The following ZBTB16 variants were observed in gnomAD, a reference collection of about 807,000 sequenced individuals.
ZBTB16 encodes zinc finger and BTB domain-containing protein 16.
A neutral mutation model predicts 56.8 loss-of-function variants in ZBTB16; 8 were observed. The ratio of observed to expected loss-of-function variants is 0.14; its 90% CI spans 0.08 to 0.25. ZBTB16 has a LOEUF of 0.25. ZBTB16 is among the 10% of genes least tolerant of loss of function. ZBTB16 has a pLI of 1.00. For synonymous variants in ZBTB16, 363 were observed against 368.5 expected, an observed-to-expected ratio of 0.98 and a Z score of 0.17; for missense variants, 625 against 903.0, an observed-to-expected ratio of 0.69 and a Z score of 3.95.
At chr11:114,238,861 T>C (rs914936535) in intron 4 of ZBTB16, among the ~76,000 whole-genome samples, 1 of 152,154 alleles carries the variant, frequency 6.6e-6, no homozygotes, top group Non-Finnish European at 1.5e-5. Context: ...TCTTGTCCTT[T>C]GCTTCTCAGA....
rs552694778 is a variant in ZBTB16, at chr11:114,126,249, A to G, written c.1269-30088A>G. ...CCAGCTCTGCCCCATCTGGTCTTAA[A>G]ACGAGGTGAATCTGCTGCTCTGTAT... is the stretch of plus-strand genomic sequence containing the variant. On this transcript the variant is annotated intron_variant, in intron 2 of 6. Coordinates refer to ENST00000335953, the MANE Select transcript of ZBTB16 (RefSeq NM_006006.6). 5.9e-5 allele frequency among the ~76,000 whole-genome samples: 9 copies of G among 152,340 alleles called. No homozygotes were observed. The South Asian group carries it at 1.9e-3, about 32-fold the overall frequency.
At chr11:114,124,544 C>CAA (rs1197111375) in intron 2 of ZBTB16, among the ~76,000 whole-genome samples, 3 of 53,290 alleles carry the variant, frequency 5.6e-5, no homozygotes, top group African/African-American at 2.1e-4. Flanking sequence ...AAAAACAAAA[C>CAA]AAAAAAAAAA....
At chr11:114,220,427 C>T (rs1355809312) in intron 4 of ZBTB16, among the ~76,000 whole-genome samples, 3 of 152,128 alleles carry the variant, frequency 2.0e-5, no homozygotes, top group African/African-American at 4.8e-5. Context: ...TTCTAGCCTC[C>T]GATGCTTACA....
At chr11:114,155,427 G>A (rs1296446038) in intron 2 of ZBTB16, among the ~76,000 whole-genome samples, 1 of 152,050 alleles carries the variant, frequency 6.6e-6, no homozygotes, top group African/African-American at 2.4e-5. Context: ...GCTGGCTCGT[G>A]ACTGAGCTAG....
At chr11:114,074,476 G>C (rs538250567) in intron 2 of ZBTB16, among the ~76,000 whole-genome samples, 4 of 152,148 alleles carry the variant, frequency 2.6e-5, no homozygotes, top group Non-Finnish European at 4.4e-5. Flanking sequence ...GGTGCTGCTG[G>C]GGTCTACTAT....
In ZBTB16 at chr11:114,181,266, C is replaced by T. The variant is rs145456257; in HGVS notation, c.1367-5686C>T. On this transcript the variant is annotated intron_variant, in intron 3 of 6. Transcript: ENST00000335953. ...TTACTGGTTCTGTATATCTACCCAC[C>T]AGCTGTAGGATGGAGCACTTTCCCC... Among the ~76,000 whole-genome samples, 910 of 152,308 alleles carry T rather than the reference C, an allele frequency of 6.0e-3. 9 individuals are homozygous for T. Among genetic ancestry groups the T allele is most frequent in the African/African-American group, 0.021 (861 of 41,556 alleles).
intron 3 of ZBTB16, among the ~76,000 whole-genome samples, chr11:114,166,069 C>T (rs11214889): frequency 0.031 from 4,699 of 152,208 alleles, 256 homozygotes; most frequent in African/African-American, 0.11. Context: ...CACTAACCCT[C>T]GGTGACTGTC....
At chr11:114,182,056 T>G (rs1468351449) in intron 3 of ZBTB16, among the ~76,000 whole-genome samples, 1 of 151,920 alleles carries the variant, frequency 6.6e-6, no homozygotes, top group East Asian at 1.9e-4. Context: ...GTTGTTGTTA[T>G]TGTTGTTGTT....
intron 4 of ZBTB16, 68 bp from the exon 5 acceptor site, chr11:114,242,099 C>T (rs761565107): frequency 1.0e-4 from 167 of 1,599,756 alleles, no homozygotes; most frequent in Middle Eastern, 9.9e-4. Context: ...GGCTCTCACT[C>T]CAGATGGGTA....
chr11:114,071,157 T>G lies in ZBTB16; in HGVS notation c.1268+6589T>G, dbSNP rs181306719. Among the ~76,000 whole-genome samples the G allele has an allele frequency of 1.3e-3, 205 of 152,304 alleles. 1 individual carries two copies. The highest frequency in any genetic ancestry group is 3.1e-3 in the Admixed American group (47 of 15,296). On this transcript the variant is annotated intron_variant, in intron 2 of 6. Transcript: ENST00000335953. ...TTATATCTTCATGAAGTCCTTTTGG[T>G]TAATTGAATTTTGCTGTTTTGGAAT...
At chr11:114,085,013 G>A (rs1939909078) in intron 2 of ZBTB16, among the ~76,000 whole-genome samples, 1 of 152,206 alleles carries the variant, frequency 6.6e-6, no homozygotes, top group Non-Finnish European at 1.5e-5. Context: ...CTGTTCTGAA[G>A]CTGTGGTAGG....
intron 4 of ZBTB16, among the ~76,000 whole-genome samples, chr11:114,239,175 G>C (rs553696833): frequency 3.3e-5 from 5 of 152,328 alleles, no homozygotes; most frequent in Admixed American, 6.5e-5. Flanking sequence ...CTTGCTGGGT[G>C]TATTGACACT....
intron 2 of ZBTB16, among the ~76,000 whole-genome samples, chr11:114,115,341 CTTTTTT>C (rs35873921): frequency 7.8e-6 from 1 of 127,542 alleles, no homozygotes; most frequent in Non-Finnish European, 1.6e-5. Flanking sequence ...CTCCTTCCTC[CTTTTTT>C]TTTTTTTTTT....
intron 2 of ZBTB16, among the ~76,000 whole-genome samples, chr11:114,085,996 T>A (rs536802833): frequency 6.6e-6 from 1 of 152,262 alleles, no homozygotes; most frequent in South Asian, 2.1e-4. Flanking sequence ...CTCAGCCTTC[T>A]ACGTATTTAG....
At chr11:114,127,622 T>G (rs754641047) in intron 2 of ZBTB16, among the ~76,000 whole-genome samples, 5 of 152,186 alleles carry the variant, frequency 3.3e-5, no homozygotes, top group Non-Finnish European at 7.3e-5. Flanking sequence ...TTTTGAGCTC[T>G]TGACTAGGAA....
intron 4 of ZBTB16, among the ~76,000 whole-genome samples, chr11:114,218,033 G>A (rs1944145968): frequency 6.6e-6 from 1 of 152,190 alleles, no homozygotes; most frequent in Admixed American, 6.5e-5. Flanking sequence ...CCTGGCCCTG[G>A]GGTAGGAGAG....
At chr11:114,247,864 A>G (rs1434393754) in intron 6 of ZBTB16, among the ~76,000 whole-genome samples, 1 of 151,524 alleles carries the variant, frequency 6.6e-6, no homozygotes, top group Non-Finnish European at 1.5e-5. Context: ...AATAATCCCT[A>G]TATGCATATG....
rs1944981596 is a variant in ZBTB16, at chr11:114,255,302, T to G, written c.*4747T>G. The stretch of plus-strand genomic sequence containing the variant: ...ATTACAGAATAGTGTTTTTAATTCA[T>G]CAATGTTCTAGTTAATGTCTACCTC... On this transcript the variant is annotated 3_prime_UTR_variant, in exon 7 of 7. Transcript: ENST00000335953. Among the ~76,000 whole-genome samples the G allele has an allele frequency of 6.6e-6, 1 of 152,216 alleles. No individual in the cohort carries two copies. Among genetic ancestry groups the G allele is most frequent in the Non-Finnish European group, 1.5e-5 (1 of 68,042 alleles).
chr11:114,136,913 C>T (rs985669587), intron 2 of ZBTB16, among the ~76,000 whole-genome samples: 6 of 152,174 alleles, frequency 3.9e-5, no homozygotes, highest in African/African-American at 1.4e-4. Flanking sequence ...CCTATACTCA[C>T]ACTTCCTATC....
Sources: gnomAD v4.1 joint callset for allele counts (sites outside exome capture counted in the v4.1 genomes callset) on GRCh38, gnomAD v4.1.1 for gene constraint, MANE v1.5 for transcripts, NCBI Gene and HGNC (gene_info 2026-07-23, HGNC 2026-07-21) for gene names.